Variants in ITGA8 observed in about 807,000 individuals in gnomAD.
The protein encoded by ITGA8 is integrin alpha-8.
In ITGA8, 91 loss-of-function variants were observed where a neutral mutation model predicts 142.3. The ratio of observed to expected loss-of-function variants is 0.64; its 90% CI spans 0.54 to 0.76. The LOEUF (loss-of-function observed/expected upper bound fraction) is 0.76, where lower values mean the gene tolerates loss of function less well. Among genes scored for constraint, ITGA8 ranks in the 30% least tolerant of loss-of-function variants. The pLI is 0.00. For missense variants in ITGA8, 1,406 were observed against 1,327.7 expected (o/e 1.06, Z -0.92); for synonymous variants, 505 against 485.2 (o/e 1.04, Z -0.54).
chr10:15,645,893 AC>A (rs1833973172), intron 12 of ITGA8, among the ~76,000 whole-genome samples: 2 of 152,200 alleles, frequency 1.3e-5, no homozygotes, highest in Non-Finnish European at 2.9e-5. Flanking sequence ...CTAAAGAACT[AC>A]AAGCCTAACC....
At chr10:15,683,007 T>G (rs1316009611) in intron 4 of ITGA8, among the ~76,000 whole-genome samples, 1 of 152,156 alleles carries the variant, frequency 6.6e-6, no homozygotes, top group African/African-American at 2.4e-5. Context: ...AATCCTGAAA[T>G]TTTAAAAACA....
chr10:15,619,734 A>T (rs1382381398), intron 13 of ITGA8, among the ~76,000 whole-genome samples: 1 of 152,074 alleles, frequency 6.6e-6, no homozygotes, highest in African/African-American at 2.4e-5. Context: ...AGAAAAAAAG[A>T]GCTACCGATT....
chr10:15,714,620 A>G (rs140611008), intron 2 of ITGA8, among the ~76,000 whole-genome samples: 225 of 152,278 alleles, frequency 1.5e-3, no homozygotes, highest in African/African-American at 5.2e-3. Context: ...AGCTTCCTCT[A>G]TTTTTGTATT....
chr10:15,694,428 T>TATATCAGATAATATATC (rs1835007213), intron 2 of ITGA8, among the ~76,000 whole-genome samples: 1 of 33,504 alleles, frequency 3.0e-5, no homozygotes, highest in Non-Finnish European at 8.8e-5. Context: ...TAATATATCA[T>TATATCAGATAATATATC]ATATATGATA....
intron 16 of ITGA8, among the ~76,000 whole-genome samples, 162 bp downstream of exon 16, chr10:15,608,073 A>T (rs944815081): frequency 6.6e-6 from 1 of 152,188 alleles, no homozygotes; most frequent in Non-Finnish European, 1.5e-5. Flanking sequence ...TAATAGTATT[A>T]CCAAGTATTG....
chr10:15,561,229 ATATATG>A (rs1478752301), intron 25 of ITGA8, among the ~76,000 whole-genome samples: 5,916 of 94,022 alleles, frequency 0.063, 151 homozygotes, highest in Middle Eastern at 0.11. Context: ...ATATATATAT[ATATATG>A]TATATATATA....
chr10:15,641,785 A>G (rs1308580082), intron 13 of ITGA8, among the ~76,000 whole-genome samples: 1 of 152,216 alleles, frequency 6.6e-6, no homozygotes, highest in Non-Finnish European at 1.5e-5. Flanking sequence ...GTTGTTGACT[A>G]GCACATGGCC....
At chr10:15,672,851 T>G in intron 6 of ITGA8, 102 bp from the exon 7 acceptor site, 2 of 1,285,780 alleles carry the variant, frequency 1.6e-6, no homozygotes, top group Non-Finnish European at 2.1e-6. Flanking sequence ...AATTGCTTGC[T>G]TTTTTGATGA....
intron 13 of ITGA8, 40 bp from the exon 14 acceptor site, chr10:15,616,599 A>T: frequency 6.4e-7 from 1 of 1,553,714 alleles, no homozygotes; most frequent in Non-Finnish European, 8.9e-7. Context: ...CGTGAATCGT[A>T]TAGAAACAAT....
chr10:15,653,807 T>C (rs1834131992), intron 11 of ITGA8, among the ~76,000 whole-genome samples: 1 of 148,922 alleles, frequency 6.7e-6, no homozygotes, highest in Non-Finnish European at 1.5e-5. Context: ...AAAGTTCCTT[T>C]GTGTGTTTTT....
At chr10:15,672,193 A>G (rs923795631) in intron 7 of ITGA8, among the ~76,000 whole-genome samples, 3 of 152,228 alleles carry the variant, frequency 2.0e-5, no homozygotes, top group Admixed American at 1.3e-4. Context: ...TCAAATGGCC[A>G]CTAGGAACCA....
At chr10:15,519,448 G>C in intron 28 of ITGA8, 36 bp from the exon 29 acceptor site, 1 of 1,609,438 alleles carries the variant, frequency 6.2e-7, no homozygotes, top group Non-Finnish European at 8.5e-7. Flanking sequence ...GCTCTAATGC[G>C]AAAACTATTT....
intron 8 of ITGA8, among the ~76,000 whole-genome samples, chr10:15,664,154 A>G (rs1486020350): frequency 6.6e-6 from 1 of 152,186 alleles, no homozygotes; most frequent in African/African-American, 2.4e-5. Flanking sequence ...TTATTTTAGG[A>G]ATGAAAAAAT....
At chr10:15,521,853 C>T (rs908672308) in intron 28 of ITGA8, among the ~76,000 whole-genome samples, 2 of 152,166 alleles carry the variant, frequency 1.3e-5, no homozygotes, top group Non-Finnish European at 2.9e-5. Flanking sequence ...CTGAAATGAT[C>T]TAAGACAAAT....
chr10:15,645,217 C>G (rs1554781351), intron 12 of ITGA8, among the ~76,000 whole-genome samples: 1 of 151,508 alleles, frequency 6.6e-6, no homozygotes, highest in Admixed American at 6.6e-5. Flanking sequence ...CTCTAAGTCA[C>G]TGCCTTGACT....
At chr10:15,649,713 T>G (rs142210192) in intron 11 of ITGA8, among the ~76,000 whole-genome samples, 29 of 151,644 alleles carry the variant, frequency 1.9e-4, no homozygotes, top group African/African-American at 6.5e-4. Context: ...CAATATAATA[T>G]GTCGTTAGGA....
rs777184816 is a variant in ITGA8 at position 15,719,707 on chromosome 10, C to A, written c.65G>T (p.Cys22Phe). ...CAACATCCCCAGCGCGGCCGCGGCG[C>A]AGCAGAGGGGCGCGATCAGCGGCGC... ...SQAPLIAPLC[C>F]AAAALGMLLW... The change falls in exon 1 of 30, where the codon TGC (cysteine) becomes TTC (phenylalanine). Residue 22 changes from cysteine (C) to phenylalanine (F), a missense_variant. By Grantham distance (205) the Cys-to-Phe change is radical. Coordinates refer to ENST00000378076, the MANE Select transcript of ITGA8 (RefSeq NM_003638.3). 8.3e-6 allele frequency: 12 copies of A among 1,437,296 alleles called. No individual in the cohort carries two copies. The highest frequency in any genetic ancestry group is 2.7e-6 in the Non-Finnish European group (3 of 1,104,604). 89.0% of individuals were successfully genotyped at this position (1,437,296 alleles called of 1,614,324 possible).
intron 26 of ITGA8, among the ~76,000 whole-genome samples, chr10:15,556,050 C>T (rs1435617498): frequency 1.3e-5 from 1 of 74,804 alleles, no homozygotes; most frequent in Non-Finnish European, 2.5e-5. Flanking sequence ...TTTTTGAGAC[C>T]AAGTCTCACT....
intron 24 of ITGA8, 52 bp downstream of exon 24, chr10:15,575,437 A>G (rs924819856): frequency 1.7e-6 from 2 of 1,204,758 alleles, no homozygotes; most frequent in African/African-American, 1.5e-5. Flanking sequence ...ATTTATTTGC[A>G]CAGAGCTTAA....
Sources: gnomAD v4.1 joint callset for allele counts (sites outside exome capture counted in the v4.1 genomes callset) on GRCh38, gnomAD v4.1.1 for gene constraint, MANE v1.5 for transcripts, NCBI Gene and HGNC (gene_info 2026-07-23, HGNC 2026-07-21) for gene names.